The following PNMA1 variants were observed in gnomAD, a reference collection of about 807,000 sequenced individuals.
The protein encoded by PNMA1 is PNMA family member 1.
In PNMA1, 21 loss-of-function variants were observed where a neutral mutation model predicts 26.1. The ratio of observed to expected loss-of-function variants is 0.80; its 90% confidence interval spans 0.57 to 1.16. The LOEUF (loss-of-function observed/expected upper bound fraction) is 1.16, where lower values mean the gene tolerates loss of function less well. Ranked by LOEUF, PNMA1 falls within the 50% of genes most tolerant of loss-of-function variation. The probability of loss-of-function intolerance (pLI) is 0.00; values close to 1 mark genes in which losing one functional copy is unlikely to be tolerated. For synonymous variants in PNMA1, 189 were observed against 177.3 expected (o/e 1.07, Z -0.52); for missense variants, 435 against 437.3 (o/e 0.99, Z 0.05).
In PNMA1 at chr14:73,713,139, C is replaced by T; in HGVS notation, c.501G>A (p.Arg167=). 1 of 1,612,162 alleles carries T rather than the reference C, an allele frequency of 6.2e-7. No individual in the cohort carries two copies. The highest frequency in any genetic ancestry group is 8.5e-7 in the Non-Finnish European group (1 of 1,178,890). ...TTTCCTCTCCAGGCCCTGGGATGTC[C>T]CTCCCCGAGAAAAGTGTCAGCCTCT... is the stretch of plus-strand genomic sequence containing the variant. ...WYKRLTLFSG[R]DIPGPGEETF... Residue 167 remains arginine, a synonymous_variant, in exon 1 of 1, where the codon AGG becomes AGA. Coordinates refer to ENST00000316836, the MANE Select transcript of PNMA1 (RefSeq NM_006029.5).
In PNMA1 at chr14:73,713,274, G is replaced by A; in HGVS notation, c.366C>T (p.Val122=). The change falls in exon 1 of 1, where the codon GTC becomes GTT. Residue 122 remains valine, a synonymous_variant. Transcript: ENST00000316836. ...TCGGAGTAGGGTTCTGAAACCCAAG[G>A]ACACGGGCAACATCTTGCACGGTCC... ...EGWTVQDVAR[V]LGFQNPTPTP... is the part of the protein sequence containing the mutation. 1 of 1,614,156 alleles carries A rather than the reference G, an allele frequency of 6.2e-7. No individual in the cohort carries two copies. The highest frequency in any genetic ancestry group is 8.5e-7 in the Non-Finnish European group (1 of 1,180,032).
rs752902770 is a variant in PNMA1 at position 73,713,131 on chromosome 14, G to A, written c.509C>T (p.Pro170Leu). 2 of 1,612,320 alleles carry A rather than the reference G, an allele frequency of 1.2e-6. No homozygotes were observed. The highest frequency in any genetic ancestry group is 1.3e-5 in the African/African-American group (1 of 74,832). The change falls in exon 1 of 1, where the codon CCA becomes CTA. Residue 170 changes from proline (P) to leucine (L), a missense_variant. By Grantham distance (98) the Pro-to-Leu change is moderately conservative. Transcript: ENST00000316836. ...ATCAAAGGTTTCCTCTCCAGGCCCT[G>A]GGATGTCCCTCCCCGAGAAAAGTGT... The part of the protein sequence containing the change: ...RLTLFSGRDI[P>L]GPGEETFDPW...
At position 73,714,126 on chromosome 14, in the gene PNMA1, A is replaced by G. The variant is rs2052847945; in HGVS notation, c.-487T>C. 2 of 167,814 alleles carry G rather than the reference A, an allele frequency of 1.2e-5. No individual in the cohort carries two copies. The allele number at this position is 167,814 out of a possible 1,614,324, so 10.4% of individuals were successfully genotyped here. A position where few individuals can be genotyped will look rare whatever the true frequency, so the allele number is the denominator to read the frequency against. On this transcript the variant is annotated 5_prime_UTR_variant, in exon 1 of 1. Coordinates refer to ENST00000316836, the MANE Select transcript of PNMA1 (RefSeq NM_006029.5). Reference sequence around the variant, plus strand: ...TTTGGGAGACTAGCCAGAGGGAGAAACTGTGCCGAAGTCGCGGCGGCTGCG... The same window carrying G: ...TTTGGGAGACTAGCCAGAGGGAGAAGCTGTGCCGAAGTCGCGGCGGCTGCG...
Position 73,712,611 on chromosome 14 carries a change from G to A in PNMA1, c.1029C>T (p.Thr343=). Residue 343 remains threonine, a synonymous_variant, in exon 1 of 1, where the codon ACC becomes ACT. Coordinates refer to ENST00000316836, the MANE Select transcript of PNMA1 (RefSeq NM_006029.5). ...GCCCTTCCAGGCCTAACTGCAGAAG[G>A]GTGGCCTCAGCCTCCTCCTCCTCCT... ...AKEEEEEAEA[T]LLQLGLEGHF 6.2e-7 allele frequency: 1 copy of A among 1,611,142 alleles called. No homozygotes were observed. The highest frequency in any genetic ancestry group is 8.5e-7 in the Non-Finnish European group (1 of 1,178,624).
rs1334517390 is a variant in PNMA1 at position 73,713,383 on chromosome 14, C to T, written c.257G>A (p.Gly86Glu). The change falls in exon 1 of 1, where the codon GGG becomes GAG. Residue 86 changes from glycine to glutamate, a missense_variant. Coordinates refer to ENST00000316836, the MANE Select transcript of PNMA1 (RefSeq NM_006029.5). Reference sequence around the variant, plus strand: ...GGGCTTAAATAACACTTTCCAGACCCCTCCTTTGCCCGGCATCTCCCTGGG... The same window carrying T: ...GGGCTTAAATAACACTTTCCAGACCTCTCCTTTGCCCGGCATCTCCCTGGG... ...AIPREMPGKG[G>E]VWKVLFKPPT... is the part of the protein sequence containing the mutation. 9 of 1,614,130 alleles carry T rather than the reference C, an allele frequency of 5.6e-6. No individual in the cohort carries two copies. The highest frequency in any genetic ancestry group is 7.6e-6 in the Non-Finnish European group (9 of 1,180,034).
Position 73,713,889 on chromosome 14 carries a change from T to TGGGTCC in PNMA1, c.-256_-251dup, listed in dbSNP as rs1319626965. 2.5e-6 allele frequency: 1 copy of TGGGTCC among 406,314 alleles called. No homozygotes were observed. 25.2% of individuals were successfully genotyped at this position (406,314 alleles called of 1,614,324 possible). ...GCCGTCGCCATCTTGCGTCTGGGTC[T>TGGGTCC]GGGTCCGGTCGGGTCCGCCGCCTGC... On this transcript the variant is annotated 5_prime_UTR_variant, in exon 1 of 1. Transcript: ENST00000316836.
chr14:73,713,475 G>C lies in PNMA1; in HGVS notation c.165C>G (p.Phe55Leu), dbSNP rs762946571. The C allele has an allele frequency of 6.2e-7, 1 of 1,614,154 alleles. No individual in the cohort carries two copies. Among genetic ancestry groups the C allele is most frequent in the Non-Finnish European group, 8.5e-7 (1 of 1,180,030 alleles). The change falls in exon 1 of 1, where the codon TTC becomes TTG. Residue 55 changes from phenylalanine (F) to leucine (L), a missense_variant. Coordinates refer to ENST00000316836, the MANE Select transcript of PNMA1 (RefSeq NM_006029.5). ...CTGCTTTCGCATTTTCTTCCCTCCA[G>C]AACATTCTCCCAAGCATTCGGTAGG... ...QVSYRMLGRM[F>L]WREENAKAAL...
At position 73,713,145 on chromosome 14, in the gene PNMA1, C is replaced by T; in HGVS notation, c.495G>A (p.Ser165=). The change falls in exon 1 of 1, where the codon TCG becomes TCA. Residue 165 remains serine (S), a synonymous_variant. Coordinates refer to ENST00000316836, the MANE Select transcript of PNMA1 (RefSeq NM_006029.5). ...CTCCAGGCCCTGGGATGTCCCTCCC[C>T]GAGAAAAGTGTCAGCCTCTTGTACC... ...SIWYKRLTLF[S]GRDIPGPGEE... 1 of 1,612,126 alleles carries T rather than the reference C, an allele frequency of 6.2e-7. No homozygotes were observed. The highest frequency in any genetic ancestry group is 8.5e-7 in the Non-Finnish European group (1 of 1,178,884).
chr14:73,713,575 A>G lies in PNMA1; in HGVS notation c.65T>C (p.Leu22Ser). 1 of 1,613,966 alleles carries G rather than the reference A, an allele frequency of 6.2e-7. No homozygotes were observed. The highest frequency in any genetic ancestry group is 8.5e-7 in the Non-Finnish European group (1 of 1,179,890). Residue 22 changes from leucine (L) to serine (S), a missense_variant, in exon 1 of 1, where the codon TTA becomes TCA. Coordinates refer to ENST00000316836, the MANE Select transcript of PNMA1 (RefSeq NM_006029.5). ...GMDVNSQRAL[L>S]VWGIPVNCDE... Reference sequence around the variant, plus strand: ...ACAGTTCACTGGGATGCCCCAGACTAACAGAGCTCTCTGGGAGTTCACATC... The same window carrying G: ...ACAGTTCACTGGGATGCCCCAGACTGACAGAGCTCTCTGGGAGTTCACATC...
At position 73,712,881 on chromosome 14, in the gene PNMA1, A is replaced by C; in HGVS notation, c.759T>G (p.Thr253=). The C allele has an allele frequency of 1.2e-6, 2 of 1,614,182 alleles. No homozygotes were observed. Among genetic ancestry groups the C allele is most frequent in the Non-Finnish European group, 1.7e-6 (2 of 1,180,044 alleles). The change falls in exon 1 of 1, where the codon ACT becomes ACG. Residue 253 remains threonine (T), a synonymous_variant. Coordinates refer to ENST00000316836, the MANE Select transcript of PNMA1 (RefSeq NM_006029.5). ...ACAATTTTTCTCCCGGGTTCTGATA[A>C]GTGTTCAGAAATTTGATCTGGGCAT... ...SRDAQIKFLN[T]YQNPGEKLSA...
Position 73,712,339 on chromosome 14 carries a change from C to A in PNMA1, c.*239G>T. The A allele has an allele frequency of 4.3e-6, 2 of 469,164 alleles. No individual in the cohort carries two copies. The highest frequency in any genetic ancestry group is 4.5e-5 in the South Asian group (1 of 22,308). The allele number at this position is 469,164 out of a possible 1,614,324, so 29.1% of individuals were successfully genotyped here. A position where few individuals can be genotyped will look rare whatever the true frequency, so the allele number is the denominator to read the frequency against. ...TGCACTAAGCGCTGTGTCCAACCAACCCTTTACCTGGCATTTTAGCCAGCA... is the reference window on the plus strand; with the variant it reads ...TGCACTAAGCGCTGTGTCCAACCAAACCTTTACCTGGCATTTTAGCCAGCA... On this transcript the variant is annotated 3_prime_UTR_variant, in exon 1 of 1. Transcript: ENST00000316836.
chr14:73,713,563 A>G lies in PNMA1; in HGVS notation c.77T>C (p.Ile26Thr). The change falls in exon 1 of 1, where the codon ATC (isoleucine) becomes ACC (threonine). Residue 26 changes from isoleucine to threonine, a missense_variant. By Grantham distance (89) the Ile-to-Thr change is moderately conservative. Transcript: ENST00000316836. ...TTCAGCCTCATCACAGTTCACTGGG[A>G]TGCCCCAGACTAACAGAGCTCTCTG... ...NSQRALLVWG[I>T]PVNCDEAEIE... 3 of 1,614,134 alleles carry G rather than the reference A, an allele frequency of 1.9e-6. No individual in the cohort carries two copies. Among genetic ancestry groups the G allele is most frequent in the Non-Finnish European group, 2.5e-6 (3 of 1,180,022 alleles).
In PNMA1 at chr14:73,713,310, AG is replaced by A. The variant is rs2097336293; in HGVS notation, c.329del (p.Ala110ValfsTer32). ...EFLERLHLFL[A>X]REGWTVQDVA... ...CATCTTGCACGGTCCACCCCTCTCT[AG>A]CTAGGAAGAGGTGCAATCTTTCTAA... On this transcript the variant is annotated frameshift_variant, in exon 1 of 1. Transcript: ENST00000316836. LOFTEE classifies it high-confidence loss of function. 6.2e-7 allele frequency: 1 copy of A among 1,614,050 alleles called. No individual in the cohort carries two copies. Among genetic ancestry groups the A allele is most frequent in the South Asian group, 1.1e-5 (1 of 91,094 alleles).
chr14:73,713,059 G>T lies in PNMA1; in HGVS notation c.581C>A (p.Ser194Tyr), dbSNP rs747446452. The T allele has an allele frequency of 6.2e-7, 1 of 1,613,656 alleles. No homozygotes were observed. Among genetic ancestry groups the T allele is most frequent in the Non-Finnish European group, 8.5e-7 (1 of 1,179,916 alleles). Residue 194 changes from serine to tyrosine, a missense_variant, in exon 1 of 1, where the codon TCC becomes TAC. Transcript: ENST00000316836. ...CAACCGCCGCCTCTTTTCTACATCGGACACCTGCCACTCCTCTAGGACCTC... is the reference window on the plus strand; with the variant it reads ...CAACCGCCGCCTCTTTTCTACATCGTACACCTGCCACTCCTCTAGGACCTC... ...TNEVLEEWQV[S>Y]DVEKRRRLME...
Position 73,712,426 on chromosome 14 carries a change from A to C in PNMA1, c.*152T>G. On this transcript the variant is annotated 3_prime_UTR_variant, in exon 1 of 1. Coordinates refer to ENST00000316836, the MANE Select transcript of PNMA1 (RefSeq NM_006029.5). ...TGGCACAATTTTAGAATGTTACATG[A>C]ATACTCAGGCCTGACTAACCTTCCC... 2 of 633,498 alleles carry C rather than the reference A, an allele frequency of 3.2e-6. No homozygotes were observed. The highest frequency in any genetic ancestry group is 5.5e-6 in the Non-Finnish European group (2 of 361,554). The allele number at this position is 633,498 out of a possible 1,614,324, so 39.2% of individuals were successfully genotyped here. A position where few individuals can be genotyped will look rare whatever the true frequency, so the allele number is the denominator to read the frequency against.
chr14:73,713,097 C>T lies in PNMA1; in HGVS notation c.543G>A (p.Leu181=). Residue 181 remains leucine, a synonymous_variant, in exon 1 of 1, where the codon CTG becomes CTA. Transcript: ENST00000316836. ...GPGEETFDPW[L]EHTNEVLEEW... ...CCTCTAGGACCTCATTAGTGTGCTCCAGCCAGGGATCAAAGGTTTCCTCTC... is the reference window on the plus strand; with the variant it reads ...CCTCTAGGACCTCATTAGTGTGCTCTAGCCAGGGATCAAAGGTTTCCTCTC... 6.2e-7 allele frequency: 1 copy of T among 1,613,420 alleles called. No homozygotes were observed. Among genetic ancestry groups the T allele is most frequent in the Non-Finnish European group, 8.5e-7 (1 of 1,179,626 alleles).
Position 73,712,904 on chromosome 14 carries a change from C to A in PNMA1, c.736G>T (p.Ala246Ser). 6 of 1,614,202 alleles carry A rather than the reference C, an allele frequency of 3.7e-6. No individual in the cohort carries two copies. The highest frequency in any genetic ancestry group is 5.1e-6 in the Non-Finnish European group (6 of 1,180,044). ...TAAGTGTTCAGAAATTTGATCTGGG[C>A]ATCCCTAGAGCTCTCAACGCTCCCA... is the stretch of plus-strand genomic sequence containing the variant. ...VFGSVESSRDAQIKFLNTYQN... is the reference protein window; with the variant it reads ...VFGSVESSRDSQIKFLNTYQN... The change falls in exon 1 of 1, where the codon GCC (alanine) becomes TCC (serine). Residue 246 changes from alanine (A) to serine (S), a missense_variant. Physicochemically the swap from Ala to Ser is moderately conservative, Grantham distance 99. Transcript: ENST00000316836.
chr14:73,713,067 C>T lies in PNMA1; in HGVS notation c.573G>A (p.Trp191Ter). Residue 191 changes from tryptophan (W) to a stop codon, truncating the protein, a stop_gained, in exon 1 of 1, where the codon TGG becomes TGA. Transcript: ENST00000316836. LOFTEE classifies it high-confidence loss of function. ...GCCTCTTTTCTACATCGGACACCTG[C>T]CACTCCTCTAGGACCTCATTAGTGT... ...LEHTNEVLEE[W>*]QVSDVEKRRR... 1 of 1,614,034 alleles carries T rather than the reference C, an allele frequency of 6.2e-7. No homozygotes were observed. Among genetic ancestry groups the T allele is most frequent in the Non-Finnish European group, 8.5e-7 (1 of 1,179,988 alleles).
In PNMA1 at chr14:73,712,439, GACTA is replaced by G. The variant is rs539934566; in HGVS notation, c.*135_*138del. ...GAATGTTACATGAATACTCAGGCCTGACTAACCTTCCCCTCCAAAAAACAACAAA... is the reference window on the plus strand; with the variant it reads ...GAATGTTACATGAATACTCAGGCCTGACCTTCCCCTCCAAAAAACAACAAA... On this transcript the variant is annotated 3_prime_UTR_variant, in exon 1 of 1. Transcript: ENST00000316836. The G allele has an allele frequency of 6.7e-4, 454 of 677,202 alleles. 2 individuals are homozygous for G. The African/African-American group carries it at 6.9e-3, about 10-fold the overall frequency. 41.9% of individuals were successfully genotyped at this position (677,202 alleles called of 1,614,324 possible). A position where few individuals can be genotyped will look rare whatever the true frequency, so the allele number is the denominator to read the frequency against.
Sources: gnomAD v4.1 joint callset for allele counts on GRCh38, gnomAD v4.1.1 for gene constraint, MANE v1.5 for transcripts, NCBI Gene and HGNC (gene_info 2026-07-23, HGNC 2026-07-21) for gene names.